Variants in CACNA2D3 observed in about 807,000 individuals in gnomAD.
CACNA2D3 encodes voltage-dependent calcium channel subunit alpha-2/delta-3.
Under a neutral mutation model 160.6 loss-of-function variants are expected in CACNA2D3, and 60 were observed. That is an observed-to-expected ratio of 0.37 (90% CI 0.30 to 0.46). The LOEUF (loss-of-function observed/expected upper bound fraction) is 0.46. Among genes scored for constraint, CACNA2D3 ranks in the 20% least tolerant of loss-of-function variants. The probability of loss-of-function intolerance (pLI) is 1.00; values close to 1 mark genes in which losing one functional copy is unlikely to be tolerated. For missense variants in CACNA2D3, 1,205 were observed against 1,365.0 expected (o/e 0.88, Z 1.85); for synonymous variants, 558 against 492.9 (o/e 1.13, Z -1.75).
chr3:54,698,763 T>C (rs1194791631), intron 11 of CACNA2D3, among the ~76,000 whole-genome samples: 3 of 152,168 alleles, frequency 2.0e-5, no homozygotes, highest in Non-Finnish European at 4.4e-5. Flanking sequence ...ATAAACACAT[T>C]TGCCTAACAC....
At position 55,023,590 on chromosome 3, in the gene CACNA2D3, A is replaced by T. The variant is rs116762556; in HGVS notation, c.2987+5273A>T. On this transcript the variant is annotated intron_variant, in intron 35 of 37. Coordinates refer to ENST00000474759, the MANE Select transcript of CACNA2D3 (RefSeq NM_018398.3). Reference sequence around the variant, plus strand: ...TTTTTCCATGTTAGATTATTGGCTCATGTATTTTGTCATTTTTAACTGTGA... The same window carrying T: ...TTTTTCCATGTTAGATTATTGGCTCTTGTATTTTGTCATTTTTAACTGTGA... Among the ~76,000 whole-genome samples the T allele has an allele frequency of 4.5e-3, 690 of 152,048 alleles. 3 individuals carry two copies. Among genetic ancestry groups the T allele is most frequent in the African/African-American group, 0.016 (669 of 41,470 alleles).
rs374181223 is a variant in CACNA2D3, at chr3:54,867,436, G to A, written c.1627-4103G>A. The stretch of plus-strand genomic sequence containing the variant: ...ACTTCACATAACATGTACTTTAAAA[G>A]CCATTCATTTGAAAAGAAAAAAATA... On this transcript the variant is annotated intron_variant, in intron 17 of 37. Coordinates refer to ENST00000474759, the MANE Select transcript of CACNA2D3 (RefSeq NM_018398.3). Among the ~76,000 whole-genome samples, 6 of 149,590 alleles carry A rather than the reference G, an allele frequency of 4.0e-5. No individual in the cohort carries two copies. The East Asian group carries it at 6.0e-4, about 15-fold the overall frequency.
chr3:54,322,710 C>G (rs577655967), intron 3 of CACNA2D3, among the ~76,000 whole-genome samples: 2 of 152,180 alleles, frequency 1.3e-5, no homozygotes, highest in South Asian at 4.1e-4. Context: ...AGGAGGTAGT[C>G]TTGCAGCTTT....
intron 3 of CACNA2D3, among the ~76,000 whole-genome samples, chr3:54,336,127 G>T (rs1022591338): frequency 3.3e-5 from 5 of 151,966 alleles, no homozygotes; most frequent in African/African-American, 9.7e-5. Flanking sequence ...AGACTTGTCT[G>T]CAGGGCGGCC....
rs150253153 is a variant in CACNA2D3, at chr3:54,496,457, G to C, written c.382-7035G>C. Among the ~76,000 whole-genome samples the C allele has an allele frequency of 5.0e-3, 764 of 152,246 alleles. 29 individuals are homozygous for C. The highest frequency in any genetic ancestry group is 0.042 in the Admixed American group (648 of 15,284). ...ATTGACCATTCACATACCTTCTTTT[G>C]TAAAGTGTCTGTTCAAATCTTTTGC... is the stretch of plus-strand genomic sequence containing the variant. On this transcript the variant is annotated intron_variant, in intron 4 of 37. Transcript: ENST00000474759.
chr3:54,512,647 C>T (rs1262981479), intron 5 of CACNA2D3, among the ~76,000 whole-genome samples: 1 of 152,138 alleles, frequency 6.6e-6, no homozygotes, highest in Non-Finnish European at 1.5e-5. Context: ...GCAGGTGGCT[C>T]AGTCTTTGAT....
At chr3:54,717,770 GGT>G (rs1314633715) in intron 11 of CACNA2D3, among the ~76,000 whole-genome samples, 210 of 142,896 alleles carry the variant, frequency 1.5e-3, no homozygotes, top group African/African-American at 4.8e-3. Context: ...GCGTGTGTGT[GGT>G]GTGTGTGCAT....
chr3:54,315,123 G>GTCT (rs1228563026), intron 2 of CACNA2D3, among the ~76,000 whole-genome samples: 1 of 152,206 alleles, frequency 6.6e-6, no homozygotes, highest in Non-Finnish European at 1.5e-5. Flanking sequence ...TTTCCTCCAG[G>GTCT]TCTTTCTTGG....
chr3:54,226,023 C>A (rs778266305), intron 2 of CACNA2D3, among the ~76,000 whole-genome samples: 1 of 152,130 alleles, frequency 6.6e-6, no homozygotes, highest in Non-Finnish European at 1.5e-5. Flanking sequence ...CTGACTGGCC[C>A]TTACCAGCAG....
chr3:54,233,948 A>G (rs1224497219), intron 2 of CACNA2D3, among the ~76,000 whole-genome samples: 1 of 152,234 alleles, frequency 6.6e-6, no homozygotes, highest in African/African-American at 2.4e-5. Flanking sequence ...CTGGGCATTC[A>G]TCCTGGACAT....
chr3:54,898,162 C>CTTTCTTTTCT lies in CACNA2D3; in HGVS notation c.2368+1317_2368+1326dup, dbSNP rs10530912. On this transcript the variant is annotated intron_variant, in intron 26 of 37. Transcript: ENST00000474759. ...CTTTTTTCTTTCTTTCTTTCTTTATCTTTCTTTTCTTTTCTTTTCTTTTCT... is the reference window on the plus strand; with the variant it reads ...CTTTTTTCTTTCTTTCTTTCTTTATCTTTCTTTTCTTTTCTTTTCTTTTCTTTTCTTTTCT... Among the ~76,000 whole-genome samples, 152 of 119,052 alleles carry CTTTCTTTTCT rather than the reference C, an allele frequency of 1.3e-3. 1 individual carries two copies. Among genetic ancestry groups the CTTTCTTTTCT allele is most frequent in the African/African-American group, 4.5e-3 (133 of 29,490 alleles). 78.1% of individuals were successfully genotyped at this position (119,052 alleles called of 152,430 possible).
intron 2 of CACNA2D3, among the ~76,000 whole-genome samples, chr3:54,286,873 A>G (rs551392588): frequency 1.3e-5 from 2 of 152,262 alleles, no homozygotes; most frequent in East Asian, 1.9e-4. Context: ...AGACAAGCAA[A>G]TGCTGAGAGA....
rs111569059 is a variant in CACNA2D3 at position 54,123,160 on chromosome 3, T to TGG, written c.122+333_122+334dup. Among the ~76,000 whole-genome samples the TGG allele has an allele frequency of 6.3e-3, 957 of 151,256 alleles. 14 individuals are homozygous for TGG. The highest frequency in any genetic ancestry group is 0.03 in the Admixed American group (462 of 15,214). On this transcript the variant is annotated intron_variant, in intron 1 of 37. Coordinates refer to ENST00000474759, the MANE Select transcript of CACNA2D3 (RefSeq NM_018398.3). ...TCTACTGCCGCCCCACTTCTTTTTT[T>TGG]GGGGGGGGGATGGGTGGATTTCTTC... is the stretch of plus-strand genomic sequence containing the variant.
intron 29 of CACNA2D3, among the ~76,000 whole-genome samples, chr3:54,979,129 T>C (rs760637697): frequency 1.7e-4 from 26 of 152,220 alleles, no homozygotes; most frequent in Non-Finnish European, 1.3e-4. Flanking sequence ...ATCTATGAGT[T>C]GAGTAAATTC....
intron 35 of CACNA2D3, among the ~76,000 whole-genome samples, chr3:55,058,956 C>G (rs545071856): frequency 1.3e-5 from 2 of 152,204 alleles, no homozygotes; most frequent in South Asian, 4.2e-4. Context: ...CTATGCAAAA[C>G]TGGCTTCATA....
chr3:54,149,930 T>TCTCC (rs1559863338), intron 2 of CACNA2D3, among the ~76,000 whole-genome samples: 11 of 40,428 alleles, frequency 2.7e-4, no homozygotes, highest in Non-Finnish European at 4.0e-4. Context: ...TCTCTCTCTC[T>TCTCC]CCCTCCCTCC....
chr3:54,628,029 C>G lies in CACNA2D3; in HGVS notation c.1053+153C>G, dbSNP rs1431942907. Among the ~76,000 whole-genome samples, 3 of 151,970 alleles carry G rather than the reference C, an allele frequency of 2.0e-5. No homozygotes were observed. The East Asian group carries it at 5.8e-4, about 29-fold the overall frequency. On this transcript the variant is annotated intron_variant, in intron 10 of 37. Coordinates refer to ENST00000474759, the MANE Select transcript of CACNA2D3 (RefSeq NM_018398.3). ...GGGCGGATCATGAGGTCAGGAGATC[C>G]AGACCATCCTGGCTAACACGGTGAA...
chr3:54,968,329 G>A, intron 27 of CACNA2D3, 121 bp from the exon 28 acceptor site: 1 of 682,644 alleles, frequency 1.5e-6, no homozygotes, highest in Non-Finnish European at 2.6e-6. Flanking sequence ...ATGCTTCACT[G>A]TACATTTTAT....
rs554737171 is a variant in CACNA2D3 at position 54,454,601 on chromosome 3, T to A, written c.382-48891T>A. Among the ~76,000 whole-genome samples the A allele has an allele frequency of 5.9e-5, 9 of 152,274 alleles. No homozygotes were observed. In the South Asian group the frequency reaches 1.2e-3, roughly 21 times the overall value. ...TCAAACATGTATCATTTCTTCATAT[T>A]GGAAATGTTCAAAATCCTCTCTTCC... On this transcript the variant is annotated intron_variant, in intron 4 of 37. Transcript: ENST00000474759.
Sources: allele counts gnomAD v4.1 joint callset (sites outside exome capture counted in the v4.1 genomes callset), GRCh38; gene constraint gnomAD v4.1.1; transcripts MANE v1.5; gene names NCBI Gene and HGNC (gene_info 2026-07-23, HGNC 2026-07-21).